The following SELENON variants were observed in gnomAD, a reference collection of about 807,000 sequenced individuals.
SELENON encodes the protein selenoprotein N, also known as selenoprotein N, 1.
In SELENON, 44 loss-of-function variants were observed where a neutral mutation model predicts 59.5. That is an observed-to-expected ratio of 0.74 (90% confidence interval 0.58 to 0.95). SELENON has a LOEUF of 0.95. Among genes scored for constraint, SELENON ranks in the 40% least tolerant of loss-of-function variants. The pLI is 0.00. For missense variants in SELENON, 674 were observed against 721.4 expected (o/e 0.93, Z 0.75); for synonymous variants, 320 against 305.6 (o/e 1.05, Z -0.49).
At chr1:25,804,644 GCCCC>G (rs1242099442) in intron 3 of SELENON, among the ~76,000 whole-genome samples, 8,349 of 61,178 alleles carry the variant, frequency 0.14, 127 homozygotes, top group Middle Eastern at 0.27. Context: ...TGCCCCCCCC[GCCCC>G]CCCCCCCCCG....
rs757780272 is a variant in SELENON at position 25,808,653 on chromosome 1, G to A, written c.611G>A (p.Arg204His). 1.5e-5 allele frequency: 24 copies of A among 1,613,934 alleles called. No individual in the cohort carries two copies. Among genetic ancestry groups the A allele is most frequent in the East Asian group, 1.1e-4 (5 of 44,878 alleles). The change falls in exon 5 of 13, where the codon CGC (arginine) becomes CAC (histidine). Residue 204 changes from arginine (R) to histidine (H), a missense_variant. By Grantham distance (29) the Arg-to-His change is conservative. Coordinates refer to ENST00000361547, the MANE Select transcript of SELENON (RefSeq NM_020451.3). ...TCACCAAGTGCAGTGTTTGCCACCC[G>A]CCACTTCCAGCCCTTCCTTCCCCCG...
In SELENON at chr1:25,805,142, G is replaced by C. The variant is rs2047894715; in HGVS notation, c.404G>C (p.Arg135Thr). Residue 135 changes from arginine to threonine, a missense_variant and splice_region_variant, in exon 4 of 13, where the codon AGG (arginine) becomes ACG (threonine). Coordinates refer to ENST00000361547, the MANE Select transcript of SELENON (RefSeq NM_020451.3). The stretch of plus-strand genomic sequence containing the variant: ...CCTCTCCGATGTCTGTGTCTCATAG[G>C]GTCAACTCCCGCGGCCAGCTGCGAG... The C allele has an allele frequency of 6.2e-7, 1 of 1,613,240 alleles. No individual in the cohort carries two copies. Among genetic ancestry groups the C allele is most frequent in the African/African-American group, 1.3e-5 (1 of 74,974 alleles).
Position 25,815,586 on chromosome 1 carries a change from C to T in SELENON, c.1641C>T (p.Thr547=). ...ATGCCAACTACTTCTTGGACATCAC[C>T]TCCGTGAAGCCCGAGGAAATCGAGA... Residue 547 remains threonine, a synonymous_variant, in exon 13 of 13, where the codon ACC becomes ACT. Coordinates refer to ENST00000361547, the MANE Select transcript of SELENON (RefSeq NM_020451.3). 6.2e-7 allele frequency: 1 copy of T among 1,614,204 alleles called. No individual in the cohort carries two copies. Among genetic ancestry groups the T allele is most frequent in the South Asian group, 1.1e-5 (1 of 91,084 alleles).
chr1:25,804,921 T>G (rs970957287), intron 3 of SELENON, among the ~76,000 whole-genome samples: 28 of 152,160 alleles, frequency 1.8e-4, no homozygotes, highest in African/African-American at 6.8e-4. Flanking sequence ...CTCTGAACAC[T>G]TTCTCATTTG....
intron 5 of SELENON, 25 bp downstream of exon 4, chr1:25,808,814 G>A (rs1188234667): frequency 6.2e-7 from 1 of 1,613,004 alleles, no homozygotes; most frequent in South Asian, 1.1e-5. Context: ...GGTGCGACGT[G>A]GGGCCCCTCC....
Position 25,811,521 on chromosome 1 carries a change from G to T in SELENON, c.1078G>T (p.Gly360Cys), listed in dbSNP as rs761873230. ...AAGCAGCAACATGGAGGTGGACATC[G>T]GCTACATACCCCAGGTGAGCGCACA... Residue 360 changes from glycine to cysteine, a missense_variant, in exon 8 of 13, where the codon GGC becomes TGC. Transcript: ENST00000361547. 1.9e-6 allele frequency: 3 copies of T among 1,613,976 alleles called. No individual in the cohort carries two copies. Among genetic ancestry groups the T allele is most frequent in the Non-Finnish European group, 2.5e-6 (3 of 1,180,020 alleles).
intron 3 of SELENON, 126 bp from the exon 3 acceptor site, chr1:25,805,016 C>A: frequency 2.4e-6 from 3 of 1,226,958 alleles, no homozygotes; most frequent in Non-Finnish European, 3.6e-6. Flanking sequence ...ACTTTGGTGA[C>A]TGTTAACACC....
In SELENON at chr1:25,807,476, GGGC is replaced by G. The variant is rs2047917858; in HGVS notation, c.538-1103_538-1101del. 6.6e-6 allele frequency among the ~76,000 whole-genome samples: 1 copy of G among 152,210 alleles called. No individual in the cohort carries two copies. The highest frequency in any genetic ancestry group is 1.5e-5 in the Non-Finnish European group (1 of 68,026). On this transcript the variant is annotated intron_variant, in intron 4 of 12. Coordinates refer to ENST00000361547, the MANE Select transcript of SELENON (RefSeq NM_020451.3). The surrounding 1 kb of genome is among the most constrained non-coding windows in gnomAD (Gnocchi z 4.5). ...CCATCTCCATGGATTTGGCAGTGAT[GGGC>G]TGGTCTGAGCAGATAAGTCCGCACA...
chr1:25,806,491 C>T (rs751724446), intron 4 of SELENON, among the ~76,000 whole-genome samples: 20 of 152,120 alleles, frequency 1.3e-4, no homozygotes, highest in Non-Finnish European at 2.6e-4. Flanking sequence ...GGGCAGGGAG[C>T]GGCTCCTCAT....
rs746649106 is a variant in SELENON at position 25,815,706 on chromosome 1, C to T, written c.1761C>T (p.Leu587=). 4 of 1,614,024 alleles carry T rather than the reference C, an allele frequency of 2.5e-6. No individual in the cohort carries two copies. The Admixed American group carries it at 6.7e-5, about 27-fold the overall frequency. The stretch of plus-strand genomic sequence containing the variant: ...AGGGACTCCGGCGTGGCCTGCCCCT[C>T]CTCCAGCCCTAGAGTGCCTGGACGG... Residue 587 remains leucine (L), a synonymous_variant, in exon 13 of 13, where the codon CTC becomes CTT. Transcript: ENST00000361547.
Position 25,808,776 on chromosome 1 carries a change from C to T in SELENON, c.734C>T (p.Pro245Leu). 6.2e-7 allele frequency: 1 copy of T among 1,613,842 alleles called. No homozygotes were observed. The highest frequency in any genetic ancestry group is 8.5e-7 in the Non-Finnish European group (1 of 1,179,944). Reference sequence around the variant, plus strand: ...AACAACCGCTTCTATCCACCGCCGCCCAAGGGCAAGGAGGTGAGGACAGCT... The same window carrying T: ...AACAACCGCTTCTATCCACCGCCGCTCAAGGGCAAGGAGGTGAGGACAGCT... Residue 245 changes from proline (P) to leucine (L), a missense_variant, in exon 5 of 13, where the codon CCC (proline) becomes CTC (leucine). Pro to Leu is a moderately conservative substitution (Grantham distance 98). Transcript: ENST00000361547.
chr1:25,811,891 C>A lies in SELENON; in HGVS notation c.1281+12C>A. 1.9e-6 allele frequency: 3 copies of A among 1,554,840 alleles called. No homozygotes were observed. Among genetic ancestry groups the A allele is most frequent in the Non-Finnish European group, 2.6e-6 (3 of 1,149,622 alleles). The stretch of plus-strand genomic sequence containing the variant: ...ACCCCTTCAAGAAGGTGAGGCTGGG[C>A]AGGGGTGAAGGCCAGGGTCAGGCTG... On this transcript the variant is annotated intron_variant, in intron 9 of 12. Transcript: ENST00000361547.
In SELENON at chr1:25,813,241, C is replaced by T. The variant is rs1266227870; in HGVS notation, c.1387+449C>T. On this transcript the variant is annotated intron_variant, in intron 10 of 12. Transcript: ENST00000361547. ...TTCACCAGAGGCCCCCTAGATGCAA[C>T]GTCCTTTGGGTGTCTGGCAGTGGGC... Among the ~76,000 whole-genome samples the T allele has an allele frequency of 3.3e-5, 5 of 152,208 alleles. No homozygotes were observed. In the South Asian group the frequency reaches 8.3e-4, roughly 25 times the overall value.
intron 12 of SELENON, among the ~76,000 whole-genome samples, chr1:25,814,615 G>A (rs1343062577): frequency 1.3e-5 from 2 of 152,166 alleles, no homozygotes; most frequent in Non-Finnish European, 2.9e-5. Flanking sequence ...TCTTCTCACT[G>A]GGGCCTCACA....
At chr1:25,806,869 T>G (rs1276639512) in intron 4 of SELENON, among the ~76,000 whole-genome samples, 1 of 147,388 alleles carries the variant, frequency 6.8e-6, no homozygotes, top group Non-Finnish European at 1.5e-5. Flanking sequence ...TCGCCCAGGC[T>G]GGAGTGCAGT....
chr1:25,809,589 T>C, intron 6 of SELENON, 94 bp from the exon 6 acceptor site: 2 of 1,576,170 alleles, frequency 1.3e-6, no homozygotes, highest in Non-Finnish European at 1.7e-6. Flanking sequence ...ACCCCCACAC[T>C]CAGCCTCCTC....
Position 25,800,235 on chromosome 1 carries a change from G to T in SELENON, c.5G>T (p.Gly2Val). The T allele has an allele frequency of 1.2e-6, 1 of 812,422 alleles. No individual in the cohort carries two copies. The highest frequency in any genetic ancestry group is 1.5e-6 in the Non-Finnish European group (1 of 674,844). The allele number at this position is 812,422 out of a possible 1,614,324, so 50.3% of individuals were successfully genotyped here. The change falls in exon 1 of 13, where the codon GGC (glycine) becomes GTC (valine). Residue 2 changes from glycine to valine, a missense_variant. Physicochemically the swap from Gly to Val is moderately radical, Grantham distance 109 (BLOSUM62 -3). Coordinates refer to ENST00000361547, the MANE Select transcript of SELENON (RefSeq NM_020451.3). ...CAGCCGCCGCCAGCCGCAGCCATGG[G>T]CCGGGCCCGGCCGGGCCAACGCGGG... is the stretch of plus-strand genomic sequence containing the variant.
Position 25,801,175 on chromosome 1 carries a change from T to C in SELENON, c.301+15T>C. 1 of 1,606,442 alleles carries C rather than the reference T, an allele frequency of 6.2e-7. No homozygotes were observed. On this transcript the variant is annotated intron_variant, in intron 2 of 12. Coordinates refer to ENST00000361547, the MANE Select transcript of SELENON (RefSeq NM_020451.3). Reference sequence around the variant, plus strand: ...GAAGCTAACAGGTACCAGGAGAGACTGGCGGCTGGGGAGGAGGGCGCCTTG... The same window carrying C: ...GAAGCTAACAGGTACCAGGAGAGACCGGCGGCTGGGGAGGAGGGCGCCTTG...
Position 25,809,250 on chromosome 1 carries a change from C to G in SELENON, c.872+100C>G, listed in dbSNP as rs2280997. 0.25 allele frequency: 384,183 copies of G among 1,548,738 alleles called. 50,005 individuals are homozygous for G. The highest frequency in any genetic ancestry group is 0.33 in the East Asian group (14,176 of 43,166). ...CTTGAGCCCCCCAGCTCCACCTCTC[C>G]TCCCACTGCCGTCTTGGGCAAGCAG... On this transcript the variant is annotated intron_variant, in intron 6 of 12. Transcript: ENST00000361547.
Sources: allele counts gnomAD v4.1 joint callset (sites outside exome capture counted in the v4.1 genomes callset), GRCh38; gene constraint gnomAD v4.1.1; non-coding constraint Gnocchi (gnomAD v3.1); transcripts MANE v1.5; gene names NCBI Gene and HGNC (gene_info 2026-07-23, HGNC 2026-07-21).